The following ASTN2 variants were observed in gnomAD, a reference collection of about 807,000 sequenced individuals.
ASTN2 encodes astrotactin 2, also known as astrotactin-2.
In ASTN2, 54 loss-of-function variants were observed where a neutral mutation model predicts 139.8. The ratio of observed to expected loss-of-function variants is 0.39; its 90% CI spans 0.31 to 0.48. The LOEUF is 0.48. Ranked by LOEUF, ASTN2 falls within the 20% of genes least tolerant of loss-of-function variation. The pLI, the probability that ASTN2 is intolerant of heterozygous loss-of-function variation, is 0.95. For synonymous variants in ASTN2, 756 were observed against 719.5 expected (o/e 1.05, Z -0.81); for missense variants, 1,565 against 1,725.1 (o/e 0.91, Z 1.64).
intron 4 of ASTN2, among the ~76,000 whole-genome samples, chr9:117,109,183 G>A (rs1829184814): frequency 6.6e-6 from 1 of 152,040 alleles, no homozygotes; most frequent in Admixed American, 6.6e-5. Context: ...TCAAGAGGCT[G>A]AGGCAGGAAA....
intron 6 of ASTN2, among the ~76,000 whole-genome samples, chr9:117,039,600 A>G (rs73519399): frequency 0.025 from 3,750 of 152,296 alleles, 144 homozygotes; most frequent in African/African-American, 0.084. Flanking sequence ...GTAAAAGGAA[A>G]AAAAAATTAA....
intron 3 of ASTN2, among the ~76,000 whole-genome samples, chr9:117,177,336 T>C (rs1830941607): frequency 6.6e-6 from 1 of 152,162 alleles, no homozygotes; most frequent in Non-Finnish European, 1.5e-5. Context: ...GACAAATCAG[T>C]TAAATAACTT....
rs752329242 is a variant in ASTN2, at chr9:116,698,028, G to A, written c.2806+27743C>T. The A allele has an allele frequency of 1.9e-6, 3 of 1,614,046 alleles. No individual in the cohort carries two copies. On this transcript the variant is annotated intron_variant, in intron 16 of 22. Transcript: ENST00000313400. The surrounding 1 kb of genome is among the most constrained non-coding windows in gnomAD (Gnocchi z 4.4). ...TACAGCTGGGCTCAGCGAGGCTGTG[G>A]GGCTGCTCATGTGTCGGTCCTGTGG...
intron 1 of ASTN2, among the ~76,000 whole-genome samples, chr9:117,412,921 G>A (rs57751853): frequency 0.13 from 19,507 of 152,196 alleles, 1,343 homozygotes; most frequent in East Asian, 0.19. Context: ...CAGCCCCACA[G>A]GTGCACGTGG....
At chr9:116,486,832 C>T (rs1849354210) in intron 20 of ASTN2, among the ~76,000 whole-genome samples, 1 of 152,130 alleles carries the variant, frequency 6.6e-6, no homozygotes, top group Non-Finnish European at 1.5e-5. Flanking sequence ...CTCCAATGAA[C>T]TCTACAAAGG....
Position 117,086,444 on chromosome 9 carries a change from C to T in ASTN2, c.1276+9600G>A, listed in dbSNP as rs551207725. Among the ~76,000 whole-genome samples, 13 of 152,122 alleles carry T rather than the reference C, an allele frequency of 8.5e-5. No homozygotes were observed. The South Asian group carries it at 1.2e-3, about 15-fold the overall frequency. On this transcript the variant is annotated intron_variant, in intron 5 of 22. Transcript: ENST00000313400. ...AAAAAATTAGCCAAACATGGTGGCA[C>T]GTGCCTGTAGTCCCAGCTACTTGGG...
At chr9:116,988,742 C>T (rs563267350) in intron 7 of ASTN2, among the ~76,000 whole-genome samples, 1 of 152,260 alleles carries the variant, frequency 6.6e-6, no homozygotes, top group East Asian at 1.9e-4. Context: ...TCAAAATGCC[C>T]TTTGTGACCC....
intron 1 of ASTN2, among the ~76,000 whole-genome samples, chr9:117,353,801 A>T (rs1208567585): frequency 2.0e-5 from 3 of 152,158 alleles, no homozygotes; most frequent in Non-Finnish European, 2.9e-5. Flanking sequence ...AGCCAATCTG[A>T]AAAGGCCACA....
At chr9:117,022,663 C>A (rs1837919719) in intron 6 of ASTN2, among the ~76,000 whole-genome samples, 1 of 152,064 alleles carries the variant, frequency 6.6e-6, no homozygotes, top group African/African-American at 2.4e-5. Flanking sequence ...TTTCACCTTG[C>A]AAATTTATTC....
chr9:117,116,353 T>C (rs1168626904), intron 4 of ASTN2, among the ~76,000 whole-genome samples: 1 of 152,150 alleles, frequency 6.6e-6, no homozygotes, highest in African/African-American at 2.4e-5. Flanking sequence ...TGAACTTCTC[T>C]ACAGAGATAA....
chr9:117,352,086 A>G (rs1829409821), intron 1 of ASTN2, among the ~76,000 whole-genome samples: 2 of 152,190 alleles, frequency 1.3e-5, no homozygotes, highest in African/African-American at 2.4e-5. Flanking sequence ...ACTTCTCAAT[A>G]TACCTTTATC....
At chr9:116,468,354 G>T (rs1387410903) in intron 20 of ASTN2, among the ~76,000 whole-genome samples, 1 of 152,180 alleles carries the variant, frequency 6.6e-6, no homozygotes, top group Admixed American at 6.5e-5. Flanking sequence ...TAGTACATAG[G>T]ACGTGTTAGG....
intron 19 of ASTN2, among the ~76,000 whole-genome samples, chr9:116,509,569 C>T (rs955872540): frequency 2.0e-5 from 3 of 152,182 alleles, no homozygotes; most frequent in South Asian, 2.1e-4. Context: ...TTCTAGATCA[C>T]TGAGGAATCA....
chr9:116,541,518 G>A (rs1439264727), intron 19 of ASTN2, among the ~76,000 whole-genome samples: 1 of 152,180 alleles, frequency 6.6e-6, no homozygotes, highest in African/African-American at 2.4e-5. Context: ...TGGACTGAGA[G>A]TAAAAACTTA....
intron 6 of ASTN2, among the ~76,000 whole-genome samples, chr9:117,034,941 T>C (rs1433293630): frequency 1.3e-5 from 2 of 152,164 alleles, no homozygotes; most frequent in Non-Finnish European, 2.9e-5. Context: ...CATAATGACC[T>C]TTTCTTTATA....
chr9:117,052,688 C>T (rs1257721937), intron 5 of ASTN2, among the ~76,000 whole-genome samples: 1 of 152,172 alleles, frequency 6.6e-6, no homozygotes, highest in Non-Finnish European at 1.5e-5. Flanking sequence ...ACATGCAGAG[C>T]ACCTACTATA....
intron 13 of ASTN2, among the ~76,000 whole-genome samples, chr9:116,738,717 G>A (rs190100764): frequency 6.6e-6 from 1 of 152,306 alleles, no homozygotes; most frequent in African/African-American, 2.4e-5. Context: ...CATGTTCAGA[G>A]AGGTTAAGGA....
intron 3 of ASTN2, among the ~76,000 whole-genome samples, chr9:117,188,619 T>A (rs1221770172): frequency 6.6e-6 from 1 of 152,166 alleles, no homozygotes; most frequent in Non-Finnish European, 1.5e-5. Flanking sequence ...GCCAAAGATG[T>A]TAACCACCCA....
At chr9:116,874,139 G>T (rs144019789) in intron 10 of ASTN2, among the ~76,000 whole-genome samples, 2 of 152,204 alleles carry the variant, frequency 1.3e-5, no homozygotes, top group Non-Finnish European at 2.9e-5. Flanking sequence ...TTCCACCCTG[G>T]GTGTATCTGA....
Sources: allele counts gnomAD v4.1 joint callset (sites outside exome capture counted in the v4.1 genomes callset), GRCh38; gene constraint gnomAD v4.1.1; non-coding constraint Gnocchi (gnomAD v3.1); transcripts MANE v1.5; gene names NCBI Gene and HGNC (gene_info 2026-07-23, HGNC 2026-07-21).